The following COL25A1 variants were observed in gnomAD, a reference collection of about 807,000 sequenced individuals.
COL25A1 encodes the protein collagen alpha-1(XXV) chain.
In COL25A1, 103 loss-of-function variants were observed where a neutral mutation model predicts 128.4. That is an observed-to-expected ratio of 0.80 (90% CI 0.68 to 0.94). The LOEUF is 0.94. COL25A1 is among the 40% of genes least tolerant of loss of function. COL25A1 has a pLI of 0.00. For missense variants in COL25A1, 745 were observed against 840.0 expected, an observed-to-expected ratio of 0.89 and a Z score of 1.40; for synonymous variants, 279 against 277.2, an observed-to-expected ratio of 1.01 and a Z score of -0.06.
chr4:109,089,826 G>A (rs962163828), intron 3 of COL25A1, among the ~76,000 whole-genome samples: 3 of 151,932 alleles, frequency 2.0e-5, no homozygotes, highest in Non-Finnish European at 4.4e-5. Flanking sequence ...GATTTGTCTC[G>A]AACTCTGCAT....
intron 6 of COL25A1, among the ~76,000 whole-genome samples, chr4:109,009,273 T>C (rs1756351326): frequency 6.6e-6 from 1 of 152,228 alleles, no homozygotes; most frequent in South Asian, 2.1e-4. Context: ...ATAATTGCCT[T>C]GAACCAACAT....
At chr4:109,207,331 G>A (rs750083316) in intron 3 of COL25A1, among the ~76,000 whole-genome samples, 6 of 152,070 alleles carry the variant, frequency 3.9e-5, no homozygotes, top group African/African-American at 4.8e-5. Context: ...ATGTGGAGGC[G>A]GGGGAGCTTT....
At chr4:109,098,297 T>C (rs186654520) in intron 3 of COL25A1, among the ~76,000 whole-genome samples, 3,715 of 152,234 alleles carry the variant, frequency 0.024, 165 homozygotes, top group African/African-American at 0.084. Context: ...CCCTGGATAA[T>C]CGGACATGTA....
chr4:109,045,923 A>C (rs1760384737), intron 5 of COL25A1, among the ~76,000 whole-genome samples: 1 of 152,126 alleles, frequency 6.6e-6, no homozygotes, highest in Non-Finnish European at 1.5e-5. Context: ...TTTCGGCCAT[A>C]ATTTTATATT....
intron 3 of COL25A1, among the ~76,000 whole-genome samples, chr4:109,126,950 CA>C (rs1182895370): frequency 6.6e-6 from 1 of 151,784 alleles, no homozygotes; most frequent in African/African-American, 2.4e-5. Context: ...TTTACTTCTT[CA>C]CTTCCCTTTT....
intron 5 of COL25A1, among the ~76,000 whole-genome samples, chr4:109,033,688 A>G (rs1759078534): frequency 1.3e-5 from 2 of 152,188 alleles, no homozygotes; most frequent in African/African-American, 4.8e-5. Context: ...GGTAAAGAAT[A>G]ATGAGAAATA....
intron 23 of COL25A1, 27 bp from the exon 24 acceptor site, chr4:108,859,760 T>C: frequency 6.4e-7 from 1 of 1,573,054 alleles, no homozygotes; most frequent in Non-Finnish European, 8.7e-7. Flanking sequence ...CAAGGGAAAA[T>C]CATGGGTATT....
intron 13 of COL25A1, among the ~76,000 whole-genome samples, chr4:108,902,928 T>C (rs920504784): frequency 6.6e-6 from 1 of 152,018 alleles, no homozygotes; most frequent in African/African-American, 2.4e-5. Flanking sequence ...TGGAGTCTGC[T>C]TGCTTCAAAG....
At chr4:109,018,232 TTTTTA>T (rs991614234) in intron 5 of COL25A1, among the ~76,000 whole-genome samples, 2 of 152,040 alleles carry the variant, frequency 1.3e-5, no homozygotes, top group African/African-American at 4.8e-5. Context: ...TCCTCTTTCT[TTTTTA>T]TTTTGAGATG....
rs1553959493 is a variant in COL25A1, at chr4:108,882,259, C to CTTTA, written c.1020+1918_1020+1919insTAAA. Among the ~76,000 whole-genome samples, 296 of 143,480 alleles carry CTTTA rather than the reference C, an allele frequency of 2.1e-3. 3 individuals carry two copies. The highest frequency in any genetic ancestry group is 7.0e-3 in the Middle Eastern group (2 of 286). 94.1% of individuals were successfully genotyped at this position (143,480 alleles called of 152,430 possible). On this transcript the variant is annotated intron_variant, in intron 19 of 37. Transcript: ENST00000399132. ...ATGATAAATAGTATAATCAAAATTG[C>CTTTA]TTTTTTTTTTTTTGCCTTTGGAGGG...
At chr4:109,234,395 C>T (rs1165182962) in intron 3 of COL25A1, among the ~76,000 whole-genome samples, 1 of 152,110 alleles carries the variant, frequency 6.6e-6, no homozygotes, top group African/African-American at 2.4e-5. Context: ...AGTAAGCCAA[C>T]TATGGCAATT....
intron 12 of COL25A1, 96 bp downstream of exon 12, chr4:108,920,482 G>T: frequency 1.2e-6 from 1 of 827,982 alleles, no homozygotes. Context: ...AACTGCTTCA[G>T]CATGGCTTAC....
chr4:109,189,962 T>A (rs749057280), intron 3 of COL25A1, among the ~76,000 whole-genome samples: 10 of 152,296 alleles, frequency 6.6e-5, no homozygotes, highest in Non-Finnish European at 1.2e-4. Context: ...TTTCCAAATA[T>A]TAATTTACAA....
intron 3 of COL25A1, among the ~76,000 whole-genome samples, chr4:109,220,524 G>A (rs761384715): frequency 1.3e-5 from 2 of 152,050 alleles, no homozygotes; most frequent in Non-Finnish European, 2.9e-5. Context: ...TCTGAAGACC[G>A]GACTAATTCT....
At position 108,857,135 on chromosome 4, in the gene COL25A1, T is replaced by C. The variant is rs1415158229; in HGVS notation, c.1320+2521A>G. ...TGCCCAATTATATTGGAACAGTTCT[T>C]GGAGGATAAGAAAGTAGATACCTCT... is the stretch of plus-strand genomic sequence containing the variant. On this transcript the variant is annotated intron_variant, in intron 24 of 37. Coordinates refer to ENST00000399132, the MANE Select transcript of COL25A1 (RefSeq NM_198721.4). Among the ~76,000 whole-genome samples the C allele has an allele frequency of 3.3e-5, 5 of 152,248 alleles. No individual in the cohort carries two copies. The East Asian group carries it at 9.6e-4, about 29-fold the overall frequency.
At chr4:109,254,781 G>A (rs1019258214) in intron 3 of COL25A1, among the ~76,000 whole-genome samples, 2 of 151,858 alleles carry the variant, frequency 1.3e-5, no homozygotes, top group Non-Finnish European at 2.9e-5. Flanking sequence ...AAGACACACT[G>A]CCCAGCAAAG....
intron 3 of COL25A1, among the ~76,000 whole-genome samples, chr4:109,065,779 A>G (rs1762401768): frequency 6.6e-6 from 1 of 152,170 alleles, no homozygotes; most frequent in Non-Finnish European, 1.5e-5. Context: ...CATTAGTCCT[A>G]GATTTTGAGC....
intron 3 of COL25A1, among the ~76,000 whole-genome samples, chr4:109,086,113 AT>A (rs368381571): frequency 9.8e-5 from 15 of 152,304 alleles, no homozygotes; most frequent in South Asian, 2.1e-4. Flanking sequence ...AGTACTACAC[AT>A]TTTTTTAGAA....
intron 3 of COL25A1, among the ~76,000 whole-genome samples, chr4:109,222,722 A>T (rs917250518): frequency 2.0e-5 from 3 of 152,178 alleles, no homozygotes; most frequent in African/African-American, 7.2e-5. Context: ...GAAACCAGAC[A>T]TATTCCCAAA....
Sources: allele counts gnomAD v4.1 joint callset (sites outside exome capture counted in the v4.1 genomes callset), GRCh38; gene constraint gnomAD v4.1.1; transcripts MANE v1.5; gene names NCBI Gene and HGNC (gene_info 2026-07-23, HGNC 2026-07-21).